Variants in COL20A1 observed in about 807,000 individuals in gnomAD.
COL20A1 encodes the protein collagen type XX alpha 1 chain.
In COL20A1, 164 loss-of-function variants were observed where a neutral mutation model predicts 152.9. That is an observed-to-expected ratio of 1.07 (90% CI 0.94 to 1.22). The LOEUF (loss-of-function observed/expected upper bound fraction) is 1.22, where lower values mean the gene tolerates loss of function less well. COL20A1 is among the 50% of genes most tolerant of loss of function. The probability of loss-of-function intolerance (pLI) is 0.00; values close to 1 mark genes in which losing one functional copy is unlikely to be tolerated. For synonymous variants in COL20A1, 864 were observed against 756.0 expected, an observed-to-expected ratio of 1.14 and a Z score of -2.34; for missense variants, 1,873 against 1,744.8, an observed-to-expected ratio of 1.07 and a Z score of -1.31.
intron 14 of COL20A1, 86 bp downstream of exon 14, chr20:63,312,141 G>C: frequency 7.1e-7 from 1 of 1,417,818 alleles, no homozygotes; most frequent in East Asian, 2.4e-5. Context: ...CCAACCATCA[G>C]ATAACACATT....
intron 9 of COL20A1, 122 bp from the exon 10 acceptor site, chr20:63,309,636 T>G: frequency 1.6e-6 from 2 of 1,248,460 alleles, no homozygotes; most frequent in Non-Finnish European, 2.2e-6. Flanking sequence ...CCCCCTTACA[T>G]CTGTCCACAG....
Position 63,319,436 on chromosome 20 carries a change from G to T in COL20A1, c.2807-51G>T. On this transcript the variant is annotated intron_variant, in intron 22 of 35. Transcript: ENST00000358894. This position sits in a 1 kb window ranked among gnomAD's most constrained non-coding sequence, Gnocchi z 4.4. ...TGGGGGCCGCCCTGCTCAAGGTATA[G>T]GCCCGGCTGGTTGCAGCCCGTTCTC... is the stretch of plus-strand genomic sequence containing the variant. 1 of 1,402,992 alleles carries T rather than the reference G, an allele frequency of 7.1e-7. No individual in the cohort carries two copies. Among genetic ancestry groups the T allele is most frequent in the Non-Finnish European group, 9.8e-7 (1 of 1,016,612 alleles). The allele number at this position is 1,402,992 out of a possible 1,614,324, so 86.9% of individuals were successfully genotyped here. A position where few individuals can be genotyped will look rare whatever the true frequency, so the allele number is the denominator to read the frequency against.
In COL20A1 at chr20:63,314,124, C is replaced by T. The variant is rs1342060921; in HGVS notation, c.2411C>T (p.Ala804Val). The change falls in exon 19 of 36, where the codon GCC becomes GTC. Residue 804 changes from alanine to valine, a missense_variant. Physicochemically the swap from Ala to Val is moderately conservative, Grantham distance 64. Coordinates refer to ENST00000358894, the MANE Select transcript of COL20A1 (RefSeq NM_020882.4). Reference protein sequence around the residue: ...SHVTLPDLQAATKYRVLVSAI... With the variant: ...SHVTLPDLQAVTKYRVLVSAI... ...GTGACACTGCCCGACCTGCAGGCAGCCACGAAGTACAGGGTCCTGGTCTCA... is the reference window on the plus strand; with the variant it reads ...GTGACACTGCCCGACCTGCAGGCAGTCACGAAGTACAGGGTCCTGGTCTCA... 6.2e-7 allele frequency: 1 copy of T among 1,611,826 alleles called. No individual in the cohort carries two copies. The highest frequency in any genetic ancestry group is 1.1e-5 in the South Asian group (1 of 90,740).
At chr20:63,327,728 C>T in intron 31 of COL20A1, 3 of 589,622 alleles carry the variant, frequency 5.1e-6, no homozygotes, top group Non-Finnish European at 9.1e-6. Flanking sequence ...GTTCCAGCCC[C>T]ACTCAGGACT....
rs2068357520 is a variant in COL20A1 at position 63,333,428 on chromosome 20, C to T, written c.*2712C>T. 1 of 152,548 alleles carries T rather than the reference C, an allele frequency of 6.6e-6. No individual in the cohort carries two copies. Among genetic ancestry groups the T allele is most frequent in the South Asian group, 2.1e-4 (1 of 4,840 alleles). 9.4% of individuals were successfully genotyped at this position (152,548 alleles called of 1,614,324 possible). ...AATCACGGGGCTCACGCTGGGGTCACAGGGTGGTGTGGCTGTGTGGACTGT... is the reference window on the plus strand; with the variant it reads ...AATCACGGGGCTCACGCTGGGGTCATAGGGTGGTGTGGCTGTGTGGACTGT... On this transcript the variant is annotated 3_prime_UTR_variant, in exon 36 of 36. Transcript: ENST00000358894.
At chr20:63,296,640 A>G (rs1018593430) in intron 2 of COL20A1, among the ~76,000 whole-genome samples, 1 of 152,190 alleles carries the variant, frequency 6.6e-6, no homozygotes, top group Non-Finnish European at 1.5e-5. Context: ...GAGCTGGGGA[A>G]GGGGTCCCTG....
At chr20:63,326,339 A>G (rs950259501) in intron 30 of COL20A1, among the ~76,000 whole-genome samples, 190 bp downstream of exon 30, 1 of 152,164 alleles carries the variant, frequency 6.6e-6, no homozygotes, top group Non-Finnish European at 1.5e-5. Flanking sequence ...GGAGCACTGC[A>G]TGCTCCCAAG....
rs375168033 is a variant in COL20A1, at chr20:63,315,444, G to A, written c.2524+5G>A. The A allele has an allele frequency of 2.5e-6, 4 of 1,571,316 alleles. No individual in the cohort carries two copies. In the African/African-American group the frequency reaches 4.0e-5, roughly 16 times the overall value. ...GCCCTGACGGCTCCCTCCCAGGTGG[G>A]TCCTGCATGCCCTCCCCTGCCTGCC... On this transcript the variant is annotated splice_donor_5th_base_variant and intron_variant, in intron 20 of 35. Coordinates refer to ENST00000358894, the MANE Select transcript of COL20A1 (RefSeq NM_020882.4).
At chr20:63,327,688 A>G in intron 31 of COL20A1, 1 of 546,852 alleles carries the variant, frequency 1.8e-6, no homozygotes, top group Non-Finnish European at 3.3e-6. Context: ...CACAAAATCT[A>G]CAGCCAGAGG....
intron 34 of COL20A1, 48 bp downstream of exon 34, chr20:63,328,546 G>T: frequency 6.5e-7 from 1 of 1,543,780 alleles, no homozygotes; most frequent in Admixed American, 1.8e-5. Flanking sequence ...CGGTGGGGGC[G>T]CCGGTTGTCC....
chr20:63,314,705 C>T (rs1330376623), intron 19 of COL20A1, among the ~76,000 whole-genome samples: 1 of 152,108 alleles, frequency 6.6e-6, no homozygotes, highest in Non-Finnish European at 1.5e-5. Context: ...CTTCTCTGCC[C>T]ATGAAGGGTT....
At chr20:63,301,713 G>T (rs543034220) in intron 3 of COL20A1, among the ~76,000 whole-genome samples, 1 of 152,094 alleles carries the variant, frequency 6.6e-6, no homozygotes, top group African/African-American at 2.4e-5. Flanking sequence ...ACTTGTGATG[G>T]TACTATTGCT....
Position 63,305,503 on chromosome 20 carries a change from C to T in COL20A1, c.280C>T (p.Gln94Ter), listed in dbSNP as rs766779285. The T allele has an allele frequency of 1.9e-6, 3 of 1,607,942 alleles. No individual in the cohort carries two copies. Among genetic ancestry groups the T allele is most frequent in the Non-Finnish European group, 2.5e-6 (3 of 1,177,646 alleles). The change falls in exon 4 of 36, where the codon CAG (glutamine) becomes TAG (stop). Residue 94 changes from glutamine (Q) to a stop codon, truncating the protein, a stop_gained. Transcript: ENST00000358894. LOFTEE classifies it high-confidence loss of function. The surrounding 1 kb of genome is among the most constrained non-coding windows in gnomAD (Gnocchi z 4.9). ...GLSPSKGYTL[Q>*]IFELTGSGRF... is the part of the protein sequence containing the mutation. ...GAGCCCCTCCAAGGGCTACACCTTGCAGATCTTCGAGCTCACTGGCTCTGG... is the reference window on the plus strand; with the variant it reads ...GAGCCCCTCCAAGGGCTACACCTTGTAGATCTTCGAGCTCACTGGCTCTGG...
In COL20A1 at chr20:63,312,776, T is replaced by C; in HGVS notation, c.1934-16T>C. ...TCAGGGGCTACACCCCCAGCCTGTG[T>C]CTCCACTTCCTTCAGAGAAAGCTCC... On this transcript the variant is annotated splice_polypyrimidine_tract_variant and intron_variant, in intron 15 of 35. Coordinates refer to ENST00000358894, the MANE Select transcript of COL20A1 (RefSeq NM_020882.4). The C allele has an allele frequency of 1.3e-6, 2 of 1,534,910 alleles. No individual in the cohort carries two copies. The highest frequency in any genetic ancestry group is 1.4e-5 in the African/African-American group (1 of 73,036).
chr20:63,329,658 A>C lies in COL20A1; in HGVS notation c.3855A>C (p.Ter1285CysextTer66). 1 of 1,585,240 alleles carries C rather than the reference A, an allele frequency of 6.3e-7. No homozygotes were observed. The highest frequency in any genetic ancestry group is 8.5e-7 in the Non-Finnish European group (1 of 1,170,030). ...CTAGCACCCAGGGCCTCTGGGAGTG[A>C]CAGGTGAGCCCCTGCTGCCTGCATC... is the stretch of plus-strand genomic sequence containing the variant. ...QGASTQGLWE[*>C] Residue 1285 changes from the stop codon to cysteine (C), a stop_lost, in exon 35 of 36, where the codon TGA (stop) becomes TGC (cysteine). Coordinates refer to ENST00000358894, the MANE Select transcript of COL20A1 (RefSeq NM_020882.4).
chr20:63,300,388 C>T (rs1365930237), intron 3 of COL20A1, among the ~76,000 whole-genome samples: 2 of 152,024 alleles, frequency 1.3e-5, no homozygotes, highest in Non-Finnish European at 2.9e-5. Flanking sequence ...GATTCAATTT[C>T]CTTAACAGAC....
chr20:63,315,767 C>T (rs2068076561), intron 20 of COL20A1, among the ~76,000 whole-genome samples: 1 of 152,184 alleles, frequency 6.6e-6, no homozygotes, highest in African/African-American at 2.4e-5. Flanking sequence ...CCGGGGTTCT[C>T]ATTCGAGTTG....
At chr20:63,308,167 G>T in intron 7 of COL20A1, 77 bp downstream of exon 7, 1 of 1,558,710 alleles carries the variant, frequency 6.4e-7, no homozygotes, top group Non-Finnish European at 8.7e-7. Context: ...CCGAAAGCTT[G>T]TGTGTAAATC....
intron 3 of COL20A1, among the ~76,000 whole-genome samples, chr20:63,301,320 A>G (rs2067860872): frequency 6.6e-6 from 1 of 152,214 alleles, no homozygotes; most frequent in African/African-American, 2.4e-5. Flanking sequence ...GTCTCAAAAA[A>G]AAAGTACCTC....
Sources: allele counts gnomAD v4.1 joint callset (sites outside exome capture counted in the v4.1 genomes callset), GRCh38; gene constraint gnomAD v4.1.1; non-coding constraint Gnocchi (gnomAD v3.1); transcripts MANE v1.5; gene names NCBI Gene and HGNC (gene_info 2026-07-23, HGNC 2026-07-21).